CAMK1D: variants seen among roughly 807,000 people sequenced by gnomAD.
The protein encoded by CAMK1D is calcium/calmodulin-dependent protein kinase type 1D.
In CAMK1D, 9 loss-of-function variants were observed where a neutral mutation model predicts 47.7. The observed-to-expected ratio is 0.19, with a 90% CI of 0.11 to 0.33. The LOEUF is 0.33. Ranked by LOEUF, CAMK1D falls within the 10% of genes least tolerant of loss-of-function variation. The probability of loss-of-function intolerance (pLI) is 1.00; values close to 1 mark genes in which losing one functional copy is unlikely to be tolerated. For synonymous variants in CAMK1D, 184 were observed against 184.9 expected, an observed-to-expected ratio of 0.99 and a Z score of 0.04; for missense variants, 291 against 488.7, an observed-to-expected ratio of 0.60 and a Z score of 3.81.
chr10:12,727,892 A>G (rs1468522485), intron 3 of CAMK1D, among the ~76,000 whole-genome samples: 7 of 151,810 alleles, frequency 4.6e-5, no homozygotes, highest in Non-Finnish European at 8.8e-5. Flanking sequence ...CAGCATCCTG[A>G]GTAGCTGGGA....
chr10:12,602,608 T>C (rs1446256146), intron 2 of CAMK1D, among the ~76,000 whole-genome samples: 3 of 152,200 alleles, frequency 2.0e-5, no homozygotes, highest in Admixed American at 2.0e-4. Context: ...ATCCATTTTA[T>C]CTGCTGTGAA....
chr10:12,376,386 G>T (rs1238124000), intron 1 of CAMK1D, among the ~76,000 whole-genome samples: 3 of 152,080 alleles, frequency 2.0e-5, no homozygotes, highest in Non-Finnish European at 1.5e-5. Flanking sequence ...CTAGATCTGT[G>T]TGAAGAAGCT....
rs558192669 is a variant in CAMK1D at position 12,828,950 on chromosome 10, C to T, written c.*63C>T. The T allele has an allele frequency of 3.5e-4, 423 of 1,214,452 alleles. 2 individuals are homozygous for T. The African/African-American group carries it at 5.0e-3, about 14-fold the overall frequency. 75.2% of individuals were successfully genotyped at this position (1,214,452 alleles called of 1,614,324 possible). ...AAGGGGAGCCCCAGGGTCGCCAGAG[C>T]CGCGAGCCACTCCAGCGAGACCCCA... is the stretch of plus-strand genomic sequence containing the variant. On this transcript the variant is annotated 3_prime_UTR_variant, in exon 11 of 11. Coordinates refer to ENST00000619168, the MANE Select transcript of CAMK1D (RefSeq NM_153498.4).
chr10:12,807,650 AC>A (rs1838793962), intron 6 of CAMK1D, among the ~76,000 whole-genome samples: 3 of 152,190 alleles, frequency 2.0e-5, no homozygotes, highest in Admixed American at 1.3e-4. Flanking sequence ...CACCCCGGCT[AC>A]CTGCTCCTTG....
chr10:12,638,787 A>G (rs1295257493), intron 2 of CAMK1D, among the ~76,000 whole-genome samples: 1 of 152,124 alleles, frequency 6.6e-6, no homozygotes, highest in South Asian at 2.1e-4. Context: ...TGTATCACCA[A>G]ATCTATAAAT....
At position 12,349,741 on chromosome 10, in the gene CAMK1D, C is replaced by T. The variant is rs1461368859; in HGVS notation, c.-78C>T. 4.4e-6 allele frequency: 2 copies of T among 457,486 alleles called. No individual in the cohort carries two copies. Among genetic ancestry groups the T allele is most frequent in the African/African-American group, 2.2e-5 (1 of 46,300 alleles). The allele number at this position is 457,486 out of a possible 1,614,324, so 28.3% of individuals were successfully genotyped here. ...CCGAGCCGCCCGGCATCCCCGCCGC[C>T]TCTGCGCCCGCGCCGCGCCCCCGGC... On this transcript the variant is annotated 5_prime_UTR_variant, in exon 1 of 11. Coordinates refer to ENST00000619168, the MANE Select transcript of CAMK1D (RefSeq NM_153498.4).
intron 1 of CAMK1D, among the ~76,000 whole-genome samples, chr10:12,439,908 A>C (rs1347960206): frequency 6.6e-6 from 1 of 152,216 alleles, no homozygotes; most frequent in Non-Finnish European, 1.5e-5. Flanking sequence ...GGCAGGCAAG[A>C]GAGAGAATGA....
chr10:12,800,312 A>G (rs1838370825), intron 6 of CAMK1D, among the ~76,000 whole-genome samples: 1 of 152,274 alleles, frequency 6.6e-6, no homozygotes, highest in South Asian at 2.1e-4. Context: ...GCAAATAAGT[A>G]CAAAAGATTT....
intron 3 of CAMK1D, among the ~76,000 whole-genome samples, chr10:12,756,698 G>A (rs1435781690): frequency 1.3e-5 from 2 of 152,180 alleles, no homozygotes; most frequent in African/African-American, 4.8e-5. Flanking sequence ...AGGCCAAGGT[G>A]GGTGGATCAC....
At chr10:12,473,555 G>C (rs1483599155) in intron 1 of CAMK1D, among the ~76,000 whole-genome samples, 2 of 152,204 alleles carry the variant, frequency 1.3e-5, no homozygotes, top group Non-Finnish European at 2.9e-5. Flanking sequence ...TAGGAGGTAG[G>C]AACTGCTATT....
chr10:12,581,163 T>A (rs1401205826), intron 2 of CAMK1D, among the ~76,000 whole-genome samples: 1 of 152,218 alleles, frequency 6.6e-6, no homozygotes, highest in African/African-American at 2.4e-5. Flanking sequence ...CCTGAGTTAC[T>A]TCACTTAGTA....
chr10:12,689,442 G>T (rs1405110937), intron 3 of CAMK1D, among the ~76,000 whole-genome samples: 1 of 152,178 alleles, frequency 6.6e-6, no homozygotes, highest in Admixed American at 6.5e-5. Context: ...TCAGGTAAAA[G>T]TACCCGTGAA....
At chr10:12,441,528 T>TA (rs111767948) in intron 1 of CAMK1D, among the ~76,000 whole-genome samples, 37 of 146,726 alleles carry the variant, frequency 2.5e-4, no homozygotes, top group Middle Eastern at 3.5e-3. Flanking sequence ...TTCCTTTTGT[T>TA]AAAAAAAAAA....
intron 1 of CAMK1D, among the ~76,000 whole-genome samples, chr10:12,405,242 C>T (rs7921969): frequency 0.26 from 38,937 of 152,056 alleles, 5,565 homozygotes; most frequent in East Asian, 0.33. Flanking sequence ...TGGCTTCAGC[C>T]CAGCCAGCTC....
At chr10:12,589,511 G>A (rs1012121191) in intron 2 of CAMK1D, among the ~76,000 whole-genome samples, 1 of 152,202 alleles carries the variant, frequency 6.6e-6, no homozygotes, top group African/African-American at 2.4e-5. Context: ...TTAAATGAGA[G>A]CAAATGGAAG....
intron 2 of CAMK1D, among the ~76,000 whole-genome samples, chr10:12,616,103 CGT>C (rs762191479): frequency 5.4e-5 from 8 of 148,928 alleles, no homozygotes; most frequent in Non-Finnish European, 1.0e-4. Flanking sequence ...TAGGTGTGAG[CGT>C]GTGTGTATGT....
intron 1 of CAMK1D, among the ~76,000 whole-genome samples, chr10:12,362,076 T>C (rs1564293175): frequency 1.3e-5 from 2 of 152,092 alleles, no homozygotes; most frequent in African/African-American, 4.8e-5. Flanking sequence ...AACAAAAAAG[T>C]GTGCTTAAAA....
chr10:12,457,742 C>T (rs571203622), intron 1 of CAMK1D, among the ~76,000 whole-genome samples: 5 of 140,998 alleles, frequency 3.5e-5, no homozygotes, highest in Non-Finnish European at 4.5e-5. Context: ...GATTATGCCA[C>T]TGCACTCCAG....
chr10:12,830,137 A>T lies in CAMK1D; in HGVS notation c.*1250A>T, dbSNP rs1360307953. ...CCACACACAACCCTCATTTCTCACG[A>T]GAGCTAACAGATGAAAGCTCAGCTA... On this transcript the variant is annotated 3_prime_UTR_variant, in exon 11 of 11. Transcript: ENST00000619168. 6.6e-6 allele frequency: 1 copy of T among 152,206 alleles called. No homozygotes were observed. Among genetic ancestry groups the T allele is most frequent in the Non-Finnish European group, 1.5e-5 (1 of 68,042 alleles). The allele number at this position is 152,206 out of a possible 1,614,324, so 9.4% of individuals were successfully genotyped here. A position where few individuals can be genotyped will look rare whatever the true frequency, so the allele number is the denominator to read the frequency against.
Sources: gnomAD v4.1 joint callset for allele counts (sites outside exome capture counted in the v4.1 genomes callset) on GRCh38, gnomAD v4.1.1 for gene constraint, MANE v1.5 for transcripts, NCBI Gene and HGNC (gene_info 2026-07-23, HGNC 2026-07-21) for gene names.